The following ATXN2 variants were observed in gnomAD, a reference collection of about 807,000 sequenced individuals.
The protein encoded by ATXN2 is ataxin-2.
In ATXN2, 37 loss-of-function variants were observed where a neutral mutation model predicts 138.6. That is an observed-to-expected ratio of 0.27 (90% CI 0.21 to 0.35). ATXN2 has a LOEUF of 0.35. Among genes scored for constraint, ATXN2 ranks in the 10% least tolerant of loss-of-function variants. The pLI is 1.00. For missense variants in ATXN2, 1,216 were observed against 1,480.3 expected (o/e 0.82, Z 2.93); for synonymous variants, 549 against 543.7 (o/e 1.01, Z -0.13).
chr12:111,580,773 G>A (rs1202022124), intron 1 of ATXN2, among the ~76,000 whole-genome samples: 1 of 150,524 alleles, frequency 6.6e-6, no homozygotes, highest in African/African-American at 2.4e-5. Context: ...GAGAAAGGAA[G>A]GAAAGAAGGG....
intron 21 of ATXN2, among the ~76,000 whole-genome samples, chr12:111,464,410 T>C (rs1441972474): frequency 6.6e-6 from 1 of 151,550 alleles, no homozygotes; most frequent in Non-Finnish European, 1.5e-5. Context: ...AGGAAAATAT[T>C]AGGCATTTCC....
intron 1 of ATXN2, among the ~76,000 whole-genome samples, chr12:111,566,638 CT>C (rs908579279): frequency 4.5e-3 from 609 of 135,950 alleles, no homozygotes; most frequent in Admixed American, 4.5e-3. Context: ...AATTGCTTTT[CT>C]TTTTTTTTTT....
intron 21 of ATXN2, 172 bp from the exon 22 acceptor site, chr12:111,457,531 T>A: frequency 1.5e-6 from 1 of 665,516 alleles, no homozygotes. Context: ...AAAATAAGTG[T>A]AGCTATTGCT....
At chr12:111,517,738 T>C (rs1273178871) in intron 9 of ATXN2, among the ~76,000 whole-genome samples, 1 of 152,180 alleles carries the variant, frequency 6.6e-6, no homozygotes, top group Non-Finnish European at 1.5e-5. Flanking sequence ...CAAATTTCTC[T>C]AGTCACTTTC....
intron 14 of ATXN2, among the ~76,000 whole-genome samples, chr12:111,507,203 C>T (rs1420170558): frequency 1.3e-5 from 2 of 151,828 alleles, no homozygotes; most frequent in Admixed American, 1.3e-4. Flanking sequence ...GGCCGCCATC[C>T]CGTCTAGGAA....
At chr12:111,582,110 G>A (rs1318975281) in intron 1 of ATXN2, among the ~76,000 whole-genome samples, 1 of 152,108 alleles carries the variant, frequency 6.6e-6, no homozygotes, top group Non-Finnish European at 1.5e-5. Flanking sequence ...AAGGCAAGAG[G>A]AGTACTTGAG....
intron 1 of ATXN2, among the ~76,000 whole-genome samples, chr12:111,586,684 C>T (rs1884359747): frequency 6.6e-6 from 1 of 151,872 alleles, no homozygotes; most frequent in Non-Finnish European, 1.5e-5. Context: ...CCACGCCCGG[C>T]CCTTTTTCTG....
chr12:111,491,071 G>C (rs1331313403), intron 14 of ATXN2, among the ~76,000 whole-genome samples: 1 of 152,092 alleles, frequency 6.6e-6, no homozygotes, highest in African/African-American at 2.4e-5. Context: ...GACCAACATG[G>C]AGAAACCTCA....
chr12:111,598,835 G>A lies in ATXN2; in HGVS notation c.200C>T (p.Pro67Leu). 6.8e-7 allele frequency: 1 copy of A among 1,464,312 alleles called. No homozygotes were observed. Among genetic ancestry groups the A allele is most frequent in the African/African-American group, 1.5e-5 (1 of 67,592 alleles). The allele number at this position is 1,464,312 out of a possible 1,614,324, so 90.7% of individuals were successfully genotyped here. A position where few individuals can be genotyped will look rare whatever the true frequency, so the allele number is the denominator to read the frequency against. ...GGAGGTCGCCGCGACCACCGAGGAG[G>A]GAGCCGTGGCCGAGGACGAGGAGAC... ...SSVSSSSATA[P>L]SSVVAATSGG... Residue 67 changes from proline (P) to leucine (L), a missense_variant, in exon 1 of 25, where the codon CCC (proline) becomes CTC (leucine). Pro to Leu is a moderately conservative substitution (Grantham distance 98, BLOSUM62 -3). Coordinates refer to ENST00000673436, the MANE Select transcript of ATXN2 (RefSeq NM_001372574.1). The surrounding 1 kb of genome is among the most constrained non-coding windows in gnomAD (Gnocchi z 4.5).
Position 111,510,515 on chromosome 12 carries a change from G to A in ATXN2, c.1626C>T (p.Pro542=), listed in dbSNP as rs187372835. The change falls in exon 12 of 25, where the codon CCC becomes CCT. Residue 542 remains proline, a synonymous_variant. Transcript: ENST00000673436. ...SPRQNSIGNT[P]SGPVLASPQA... ...GGGGAGAAGCAAGAACTGGCCCACT[G>A]GGGGTATTTCCAATACTGTTCTGTC... The A allele has an allele frequency of 1.9e-6, 3 of 1,614,066 alleles. No individual in the cohort carries two copies. The Admixed American group carries it at 5.0e-5, about 27-fold the overall frequency.
In ATXN2 at chr12:111,571,746, G is replaced by A. The variant is rs568604210; in HGVS notation, c.252-15827C>T. 4.6e-5 allele frequency among the ~76,000 whole-genome samples: 7 copies of A among 152,208 alleles called. No individual in the cohort carries two copies. The South Asian group carries it at 1.0e-3, about 23-fold the overall frequency. On this transcript the variant is annotated intron_variant, in intron 1 of 24. Coordinates refer to ENST00000673436, the MANE Select transcript of ATXN2 (RefSeq NM_001372574.1). ...TGTAAAGAGCTTTTAGGTCAGGCAC[G>A]GTGGCTCACACCTGTAATCCCAGCA...
chr12:111,520,705 G>A (rs1193286563), intron 7 of ATXN2, among the ~76,000 whole-genome samples, 177 bp downstream of exon 7: 1 of 151,880 alleles, frequency 6.6e-6, no homozygotes, highest in African/African-American at 2.4e-5. Context: ...ACAGGGTATA[G>A]GCAAACTACA....
At chr12:111,554,491 A>G (rs998845232) in intron 2 of ATXN2, among the ~76,000 whole-genome samples, 4 of 152,212 alleles carry the variant, frequency 2.6e-5, no homozygotes, top group African/African-American at 4.8e-5. Context: ...GATATCTTAC[A>G]TGTATTAAGG....
intron 14 of ATXN2, among the ~76,000 whole-genome samples, chr12:111,496,031 G>A (rs1592832293): frequency 4.0e-5 from 6 of 151,872 alleles, no homozygotes; most frequent in Non-Finnish European, 1.5e-5. Flanking sequence ...GCATGTGCCT[G>A]TAGTCCCAGC....
chr12:111,520,664 G>C (rs1880108733), intron 7 of ATXN2, among the ~76,000 whole-genome samples: 1 of 151,928 alleles, frequency 6.6e-6, no homozygotes, highest in South Asian at 2.1e-4. Flanking sequence ...GAAAAAAAAA[G>C]ACAAAACCAA....
At chr12:111,553,947 T>C (rs1403076635) in intron 3 of ATXN2, among the ~76,000 whole-genome samples, 7 of 152,232 alleles carry the variant, frequency 4.6e-5, no homozygotes, top group East Asian at 3.9e-4. Context: ...TCCATGAATA[T>C]GGAACCCACA....
At chr12:111,465,295 ATTT>A (rs10686219) in intron 20 of ATXN2, among the ~76,000 whole-genome samples, 1 of 145,884 alleles carries the variant, frequency 6.9e-6, no homozygotes, top group Admixed American at 6.9e-5. Context: ...GATGCTTTTC[ATTT>A]TTTTTTTTTT....
chr12:111,530,951 C>G (rs1327809833), intron 5 of ATXN2, among the ~76,000 whole-genome samples: 1 of 151,430 alleles, frequency 6.6e-6, no homozygotes, highest in East Asian at 1.9e-4. Flanking sequence ...CATGGAGAAA[C>G]CCCCATCTCT....
intron 1 of ATXN2, among the ~76,000 whole-genome samples, chr12:111,596,252 A>G (rs1884937615): frequency 6.6e-6 from 1 of 151,474 alleles, no homozygotes; most frequent in Non-Finnish European, 1.5e-5. Context: ...ACACAAAATT[A>G]GATTACAGTA....
Sources: allele counts gnomAD v4.1 joint callset (sites outside exome capture counted in the v4.1 genomes callset), GRCh38; gene constraint gnomAD v4.1.1; non-coding constraint Gnocchi (gnomAD v3.1); transcripts MANE v1.5; gene names NCBI Gene and HGNC (gene_info 2026-07-23, HGNC 2026-07-21).